The following SEC14L5 variants were observed in gnomAD, a reference collection of about 807,000 sequenced individuals.
SEC14L5 encodes SEC14-like protein 5.
Under a neutral mutation model 84.6 loss-of-function variants are expected in SEC14L5, and 96 were observed. The ratio of observed to expected loss-of-function variants is 1.13; its 90% CI spans 0.96 to 1.34. SEC14L5 has a LOEUF of 1.34. Among genes scored for constraint, SEC14L5 ranks in the 40% most tolerant of loss-of-function variants. SEC14L5 has a pLI of 0.00. For missense variants in SEC14L5, 1,224 were observed against 942.5 expected (o/e 1.30, Z -3.91); for synonymous variants, 546 against 383.4 (o/e 1.42, Z -4.95).
chr16:4,989,327 GT>G (rs5815223), intron 4 of SEC14L5, among the ~76,000 whole-genome samples: 111,598 of 136,206 alleles, frequency 0.82, 45,311 homozygotes, highest in East Asian at 0.94. Flanking sequence ...TGTTTGTTTT[GT>G]TTTTTTTTTT....
chr16:5,003,406 TG>T lies in SEC14L5; in HGVS notation c.1137del (p.Trp379Ter), dbSNP rs1158872517. 1 of 1,612,494 alleles carries T rather than the reference TG, an allele frequency of 6.2e-7. No homozygotes were observed. Among genetic ancestry groups the T allele is most frequent in the Non-Finnish European group, 8.5e-7 (1 of 1,179,598 alleles). ...TRQLGRPISS[W>X]TCLLDLEGLN... ...CTGGGGCTATTTCTGCCACAGCTCC[TG>T]GACCTGCCTGCTAGACCTGGAGGGA... On this transcript the variant is annotated frameshift_variant, in exon 11 of 16. Transcript: ENST00000251170. LOFTEE classifies it high-confidence loss of function.
At chr16:4,990,994 G>C (rs1407602058) in intron 5 of SEC14L5, 99 bp downstream of exon 5, 1 of 998,102 alleles carries the variant, frequency 1.0e-6, no homozygotes, top group Non-Finnish European at 1.4e-6. Flanking sequence ...CCCTTCCTGG[G>C]CTCAGTGTTA....
intron 8 of SEC14L5, among the ~76,000 whole-genome samples, chr16:4,998,562 C>T (rs1488073184): frequency 1.3e-5 from 2 of 148,574 alleles, no homozygotes; most frequent in African/African-American, 2.5e-5. Flanking sequence ...AACGGTGAAA[C>T]CCCGTCTCTA....
intron 15 of SEC14L5, among the ~76,000 whole-genome samples, chr16:5,014,004 C>G (rs1206886767): frequency 6.6e-6 from 1 of 152,216 alleles, no homozygotes; most frequent in East Asian, 1.9e-4. Context: ...GGTTCTGCAT[C>G]TCTAACAAGC....
intron 4 of SEC14L5, among the ~76,000 whole-genome samples, chr16:4,989,450 GA>G (rs1955529625): frequency 6.6e-6 from 1 of 151,940 alleles, no homozygotes; most frequent in African/African-American, 2.4e-5. Flanking sequence ...TCTTGCCTCA[GA>G]TTCTCACGCC....
At chr16:4,959,577 C>T (rs926695795) in intron 2 of SEC14L5, among the ~76,000 whole-genome samples, 191 bp downstream of exon 2, 29 of 152,250 alleles carry the variant, frequency 1.9e-4, no homozygotes, top group East Asian at 5.8e-4. Flanking sequence ...GGCCCAGTGA[C>T]CAAAACACAA....
chr16:5,012,141 C>G (rs1449837536), intron 15 of SEC14L5, among the ~76,000 whole-genome samples: 1 of 152,122 alleles, frequency 6.6e-6, no homozygotes, highest in African/African-American at 2.4e-5. Flanking sequence ...AGTCTTTATC[C>G]AAGGAGGGGT....
chr16:4,982,458 C>T (rs11640939), intron 2 of SEC14L5, among the ~76,000 whole-genome samples: 32,047 of 152,082 alleles, frequency 0.21, 4,022 homozygotes, highest in Admixed American at 0.27. Flanking sequence ...CCTCCCTGAG[C>T]GTAGGTTCAT....
chr16:4,998,545 C>A (rs1434918232), intron 8 of SEC14L5, among the ~76,000 whole-genome samples: 1 of 148,470 alleles, frequency 6.7e-6, no homozygotes, highest in East Asian at 2.0e-4. Context: ...GAGACCATCC[C>A]GGCTAAAACG....
At position 5,006,035 on chromosome 16, in the gene SEC14L5, G is replaced by C. The variant is rs751059395; in HGVS notation, c.1424G>C (p.Gly475Ala). 22 of 1,613,600 alleles carry C rather than the reference G, an allele frequency of 1.4e-5. No homozygotes were observed. The highest frequency in any genetic ancestry group is 2.2e-5 in the East Asian group (1 of 44,892). ...AGAGAAGTGATCCCTGACTTCCTTGGGGGAGAGAGTGTGGTGAGGCTTCCA... is the reference window on the plus strand; with the variant it reads ...AGAGAAGTGATCCCTGACTTCCTTGCGGGAGAGAGTGTGGTGAGGCTTCCA... ...LDREVIPDFL[G>A]GESVCNVPEG... The change falls in exon 12 of 16, where the codon GGG becomes GCG. Residue 475 changes from glycine (G) to alanine (A), a missense_variant. Transcript: ENST00000251170.
chr16:4,996,257 T>C, intron 6 of SEC14L5, 91 bp from the exon 7 acceptor site: 1 of 770,254 alleles, frequency 1.3e-6, no homozygotes, highest in Non-Finnish European at 2.2e-6. Flanking sequence ...TTAGAGTCAG[T>C]GAGGCAGCCA....
chr16:4,970,333 T>G (rs1955259784), intron 2 of SEC14L5, among the ~76,000 whole-genome samples: 1 of 152,050 alleles, frequency 6.6e-6, no homozygotes, highest in Non-Finnish European at 1.5e-5. Context: ...TGGGGGATGT[T>G]AAGCAGGGTT....
intron 2 of SEC14L5, among the ~76,000 whole-genome samples, chr16:4,986,328 T>A (rs1955486887): frequency 6.6e-6 from 1 of 152,044 alleles, no homozygotes; most frequent in African/African-American, 2.4e-5. Context: ...TTAGTAGAGA[T>A]GGGGTTTCAC....
intron 9 of SEC14L5, 44 bp from the exon 10 acceptor site, chr16:5,000,811 A>G (rs1367819076): frequency 6.4e-7 from 1 of 1,572,196 alleles, no homozygotes; most frequent in Admixed American, 1.9e-5. Context: ...GTGTGGGGTA[A>G]AGCAGCGAGG....
chr16:4,974,215 A>G lies in SEC14L5; in HGVS notation c.64-13342A>G, dbSNP rs147812484. Among the ~76,000 whole-genome samples the G allele has an allele frequency of 5.9e-5, 9 of 152,152 alleles. No homozygotes were observed. The East Asian group carries it at 1.5e-3, about 26-fold the overall frequency. Reference sequence around the variant, plus strand: ...TACTGAATGAAACACACTGGACTGCATACTTTATATTTTATTTTTTGAGAC... The same window carrying G: ...TACTGAATGAAACACACTGGACTGCGTACTTTATATTTTATTTTTTGAGAC... On this transcript the variant is annotated intron_variant, in intron 2 of 15. Transcript: ENST00000251170.
chr16:5,004,681 G>T (rs1955712173), intron 11 of SEC14L5, among the ~76,000 whole-genome samples: 1 of 152,174 alleles, frequency 6.6e-6, no homozygotes, highest in South Asian at 2.1e-4. Flanking sequence ...GCCCTGCACG[G>T]GGGGATTGCA....
chr16:5,001,027 G>A lies in SEC14L5; in HGVS notation c.1130+102G>A, dbSNP rs551580918. ...TGCTGGGCTGGGCAGCGTGCCAGGG[G>A]CTTCATTCTCCCCCAGTTTCTACAG... On this transcript the variant is annotated intron_variant, in intron 10 of 15. Transcript: ENST00000251170. The A allele has an allele frequency of 1.2e-5, 11 of 905,022 alleles. No homozygotes were observed. In the East Asian group the frequency reaches 2.9e-4, roughly 24 times the overall value. 56.1% of individuals were successfully genotyped at this position (905,022 alleles called of 1,614,324 possible).
chr16:5,005,551 A>G (rs1955720899), intron 11 of SEC14L5, among the ~76,000 whole-genome samples: 1 of 149,568 alleles, frequency 6.7e-6, no homozygotes, highest in South Asian at 2.3e-4. Context: ...TGTTGTATAA[A>G]TTATATCTCA....
At chr16:4,996,214 G>A (rs913646478) in intron 6 of SEC14L5, 134 bp from the exon 7 acceptor site, 13 of 597,314 alleles carry the variant, frequency 2.2e-5, no homozygotes, top group African/African-American at 2.1e-4. Flanking sequence ...CTGCTGTCTG[G>A]GGCGGGGGCT....
Sources: gnomAD v4.1 joint callset for allele counts (sites outside exome capture counted in the v4.1 genomes callset) on GRCh38, gnomAD v4.1.1 for gene constraint, MANE v1.5 for transcripts, NCBI Gene and HGNC (gene_info 2026-07-23, HGNC 2026-07-21) for gene names.